CEP70: variants seen among roughly 807,000 people sequenced by gnomAD.
CEP70 encodes centrosomal protein of 70 kDa.
CEP70 carries 70 observed loss-of-function variants against 90.9 expected under a neutral mutation model. That is an observed-to-expected ratio of 0.77 (90% CI 0.64 to 0.94). The LOEUF (loss-of-function observed/expected upper bound fraction) is 0.94, where lower values mean the gene tolerates loss of function less well. Among genes scored for constraint, CEP70 ranks in the 40% least tolerant of loss-of-function variants. The pLI is 0.00. For synonymous variants in CEP70, 220 were observed against 228.3 expected (o/e 0.96, Z 0.33); for missense variants, 648 against 669.0 (o/e 0.97, Z 0.35).
chr3:138,500,144 C>A lies in CEP70; in HGVS notation c.1618G>T (p.Val540Phe). The change falls in exon 16 of 18, where the codon GTT becomes TTT. Residue 540 changes from valine (V) to phenylalanine (F), a missense_variant. Coordinates refer to ENST00000264982, the MANE Select transcript of CEP70 (RefSeq NM_024491.4). The stretch of plus-strand genomic sequence containing the variant: ...TCTTCAGGTCCTAATACCTGCATAA[C>A]CTGCTCATTCACATCTTCATTAATC... ...RLINEDVNEQ[V>F]MQVLGPEDLQ... The A allele has an allele frequency of 6.2e-7, 1 of 1,613,488 alleles. No individual in the cohort carries two copies. The highest frequency in any genetic ancestry group is 8.5e-7 in the Non-Finnish European group (1 of 1,179,412).
chr3:138,586,807 C>A (rs924985456), intron 2 of CEP70, among the ~76,000 whole-genome samples: 1 of 152,130 alleles, frequency 6.6e-6, no homozygotes, highest in African/African-American at 2.4e-5. Context: ...TATAATTGCA[C>A]ACTTTTAAGT....
chr3:138,530,951 GACTC>G, intron 8 of CEP70: 2 of 516,144 alleles, frequency 3.9e-6, no homozygotes, highest in Non-Finnish European at 5.0e-6. Context: ...TTAGGAGAGA[GACTC>G]TTTTTATTGC....
At chr3:138,497,233 C>T in intron 17 of CEP70, 1 of 1,248,856 alleles carries the variant, frequency 8.0e-7, no homozygotes, top group Non-Finnish European at 1.0e-6. Context: ...TAATTAGATA[C>T]TTCTTTCACT....
Position 138,529,472 on chromosome 3 carries a change from T to C in CEP70, c.693-10A>G, listed in dbSNP as rs1576670064. On this transcript the variant is annotated splice_polypyrimidine_tract_variant and intron_variant, in intron 8 of 17. Transcript: ENST00000264982. ...ATCTTCTTTATATTGCCTATGAAAA[T>C]ATGTATGCAGTATACTTATGAAAAA... 6.6e-7 allele frequency: 1 copy of C among 1,520,654 alleles called. No homozygotes were observed. The highest frequency in any genetic ancestry group is 1.8e-5 in the Admixed American group (1 of 56,858). 94.2% of individuals were successfully genotyped at this position (1,520,654 alleles called of 1,614,324 possible). A position where few individuals can be genotyped will look rare whatever the true frequency, so the allele number is the denominator to read the frequency against.
At chr3:138,500,942 T>C in intron 13 of CEP70, 61 bp from the exon 14 acceptor site, 1 of 712,486 alleles carries the variant, frequency 1.4e-6, no homozygotes, top group Non-Finnish European at 2.1e-6. Flanking sequence ...AGTAACATAA[T>C]AGAACATAAT....
intron 11 of CEP70, among the ~76,000 whole-genome samples, chr3:138,510,137 T>C (rs2035384290): frequency 6.6e-6 from 1 of 151,694 alleles, no homozygotes. Flanking sequence ...GACCTCAAAC[T>C]GCAAAAGTTA....
At chr3:138,565,849 C>T (rs956095234) in intron 6 of CEP70, among the ~76,000 whole-genome samples, 4 of 152,162 alleles carry the variant, frequency 2.6e-5, no homozygotes, top group African/African-American at 9.7e-5. Flanking sequence ...TAAAGAGCTT[C>T]TGCACAGCAA....
At chr3:138,540,732 T>C (rs971678483) in intron 6 of CEP70, among the ~76,000 whole-genome samples, 8 of 152,188 alleles carry the variant, frequency 5.3e-5, no homozygotes, top group Non-Finnish European at 1.5e-5. Flanking sequence ...GACCCAGCAA[T>C]CTCATTATTG....
chr3:138,566,199 G>C (rs1006988620), intron 6 of CEP70, among the ~76,000 whole-genome samples: 1 of 152,212 alleles, frequency 6.6e-6, no homozygotes, highest in African/African-American at 2.4e-5. Context: ...AGGATGTGGA[G>C]AAATAGGAAC....
In CEP70 at chr3:138,507,832, GT is replaced by G. The variant is rs201365079; in HGVS notation, c.1050+606del. Among the ~76,000 whole-genome samples the G allele has an allele frequency of 7.1e-3, 1,076 of 152,198 alleles. 13 individuals carry two copies. Among genetic ancestry groups the G allele is most frequent in the African/African-American group, 0.025 (1,030 of 41,534 alleles). ...CAGATCTTCTGACTTTTTAGGAGAA[GT>G]TAGAAATAGCAGCCTAGAAAAAATA... On this transcript the variant is annotated intron_variant, in intron 12 of 17. Coordinates refer to ENST00000264982, the MANE Select transcript of CEP70 (RefSeq NM_024491.4).
chr3:138,508,352 A>G (rs1299043227), intron 12 of CEP70, 87 bp downstream of exon 12: 6 of 837,318 alleles, frequency 7.2e-6, no homozygotes, highest in Non-Finnish European at 1.2e-5. Context: ...AGTATTCCTT[A>G]CCAACTGATA....
At chr3:138,552,541 T>C (rs2039698248) in intron 6 of CEP70, among the ~76,000 whole-genome samples, 1 of 151,866 alleles carries the variant, frequency 6.6e-6, no homozygotes, top group Non-Finnish European at 1.5e-5. Context: ...GCCATGCAAA[T>C]ACATGGAAAT....
At chr3:138,590,535 G>A (rs1450321977) in intron 2 of CEP70, among the ~76,000 whole-genome samples, 3 of 151,796 alleles carry the variant, frequency 2.0e-5, no homozygotes, top group East Asian at 3.9e-4. Flanking sequence ...TCATATCTGC[G>A]ATAGGAATTG....
At chr3:138,507,553 AAC>A (rs2108707242) in intron 12 of CEP70, among the ~76,000 whole-genome samples, 1 of 152,342 alleles carries the variant, frequency 6.6e-6, no homozygotes, top group East Asian at 1.9e-4. Context: ...TGAGAAATGC[AAC>A]AGACTAGAGA....
chr3:138,534,994 T>C (rs1560355561), intron 7 of CEP70, among the ~76,000 whole-genome samples: 1 of 152,164 alleles, frequency 6.6e-6, no homozygotes, highest in Admixed American at 6.6e-5. Flanking sequence ...TAACTTGTCT[T>C]TCTGTCTCTG....
intron 6 of CEP70, among the ~76,000 whole-genome samples, chr3:138,553,348 C>T (rs907227734): frequency 3.3e-5 from 5 of 151,948 alleles, no homozygotes; most frequent in East Asian, 1.9e-4. Context: ...GGCGTGGCAG[C>T]GGGTGCCTAT....
chr3:138,522,442 T>A (rs1015239330), intron 11 of CEP70, among the ~76,000 whole-genome samples: 21 of 152,056 alleles, frequency 1.4e-4, no homozygotes, highest in African/African-American at 4.6e-4. Context: ...GGAGCTGGTT[T>A]TTTGAAAAGA....
At chr3:138,523,145 G>A (rs1484321244) in intron 11 of CEP70, among the ~76,000 whole-genome samples, 1 of 150,490 alleles carries the variant, frequency 6.6e-6, no homozygotes, top group Non-Finnish European at 1.5e-5. Flanking sequence ...CTCAATAGAT[G>A]CAGAAAAGGC....
Position 138,525,558 on chromosome 3 carries a change from C to T in CEP70, c.876G>A (p.Thr292=), listed in dbSNP as rs9878436. 0.41 allele frequency: 559,243 copies of T among 1,362,804 alleles called. 119,393 individuals are homozygous for T. Among genetic ancestry groups the T allele is most frequent in the Middle Eastern group, 0.44 (2,253 of 5,110 alleles). The allele number at this position is 1,362,804 out of a possible 1,614,324, so 84.4% of individuals were successfully genotyped here. A position where few individuals can be genotyped will look rare whatever the true frequency, so the allele number is the denominator to read the frequency against. The stretch of plus-strand genomic sequence containing the variant: ...GTTTATAAAGTCTTAATTCATGCTG[C>T]GTAGGCCTGTGGAAAATAAATAATG... ...NLQKDLETRP[T]QHELRLYKQQ... Residue 292 remains threonine, a synonymous_variant, in exon 11 of 18, where the codon ACG becomes ACA. Transcript: ENST00000264982.
Sources: gnomAD v4.1 joint callset for allele counts (sites outside exome capture counted in the v4.1 genomes callset) on GRCh38, gnomAD v4.1.1 for gene constraint, MANE v1.5 for transcripts, NCBI Gene and HGNC (gene_info 2026-07-23, HGNC 2026-07-21) for gene names.